The following ETNK2 variants were observed in gnomAD, a reference collection of about 807,000 sequenced individuals.
The protein encoded by ETNK2 is ethanolamine kinase-like protein.
In ETNK2, 33 loss-of-function variants were observed where a neutral mutation model predicts 46.2. That is an observed-to-expected ratio of 0.71 (90% CI 0.54 to 0.96). ETNK2 has a LOEUF of 0.96. ETNK2 is among the 40% of genes least tolerant of loss of function. The pLI is 0.00. For synonymous variants in ETNK2, 194 were observed against 209.0 expected (o/e 0.93, Z 0.62); for missense variants, 445 against 509.7 (o/e 0.87, Z 1.22).
intron 2 of ETNK2, among the ~76,000 whole-genome samples, chr1:204,148,831 C>G (rs572692048): frequency 6.6e-6 from 1 of 152,306 alleles, no homozygotes; most frequent in African/African-American, 2.4e-5. Context: ...GCCCTCCTTC[C>G]CCTTGGATTA....
intron 7 of ETNK2, among the ~76,000 whole-genome samples, chr1:204,133,152 TGACA>T (rs1657137186): frequency 6.6e-6 from 1 of 152,334 alleles, no homozygotes; most frequent in Non-Finnish European, 1.5e-5. Flanking sequence ...ATTCATCTGT[TGACA>T]GACAGCTGGG....
intron 2 of ETNK2, chr1:204,147,498 C>T (rs1157252167): frequency 3.8e-6 from 2 of 533,242 alleles, no homozygotes; most frequent in Admixed American, 1.9e-5. Flanking sequence ...ACCCCATCGC[C>T]CGAGGCCCTG....
At position 204,149,539 on chromosome 1, in the gene ETNK2, G is replaced by A. The variant is rs371666384; in HGVS notation, c.518+164C>T. 6.6e-5 allele frequency among the ~76,000 whole-genome samples: 10 copies of A among 152,278 alleles called. No individual in the cohort carries two copies. In the South Asian group the frequency reaches 1.9e-3, roughly 28 times the overall value. On this transcript the variant is annotated intron_variant, in intron 2 of 7. Transcript: ENST00000367202. Reference sequence around the variant, plus strand: ...CTCACCCTTAAAATCTACAGAAAGCGATAGCCCCTCTCTGCAGAGCAATGC... The same window carrying A: ...CTCACCCTTAAAATCTACAGAAAGCAATAGCCCCTCTCTGCAGAGCAATGC...
Position 204,132,142 on chromosome 1 carries a change from G to T in ETNK2, c.*42C>A. ...TGCAGAATTGAGCTCTGGAGAACAGGTCTGGCCAGACAGATGGGTAGGGGA... is the reference window on the plus strand; with the variant it reads ...TGCAGAATTGAGCTCTGGAGAACAGTTCTGGCCAGACAGATGGGTAGGGGA... On this transcript the variant is annotated 3_prime_UTR_variant, in exon 8 of 8. Coordinates refer to ENST00000367202, the MANE Select transcript of ETNK2 (RefSeq NM_018208.4). 1 of 1,489,730 alleles carries T rather than the reference G, an allele frequency of 6.7e-7. No individual in the cohort carries two copies. The highest frequency in any genetic ancestry group is 9.2e-7 in the Non-Finnish European group (1 of 1,090,098). 92.3% of individuals were successfully genotyped at this position (1,489,730 alleles called of 1,614,324 possible). A position where few individuals can be genotyped will look rare whatever the true frequency, so the allele number is the denominator to read the frequency against.
intron 7 of ETNK2, among the ~76,000 whole-genome samples, chr1:204,133,412 AATT>A (rs1657146192): frequency 6.6e-6 from 1 of 152,064 alleles, no homozygotes; most frequent in African/African-American, 2.4e-5. Context: ...CCTTACCAAC[AATT>A]ATTATTTTCT....
At position 204,149,964 on chromosome 1, in the gene ETNK2, T is replaced by C. The variant is rs1270090562; in HGVS notation, c.259-2A>G. The C allele has an allele frequency of 8.4e-7, 1 of 1,184,424 alleles. No individual in the cohort carries two copies. Among genetic ancestry groups the C allele is most frequent in the Non-Finnish European group, 1.1e-6 (1 of 905,144 alleles). 73.4% of individuals were successfully genotyped at this position (1,184,424 alleles called of 1,614,324 possible). On this transcript the variant is annotated splice_acceptor_variant, in intron 1 of 7. Transcript: ENST00000367202. LOFTEE classifies it high-confidence loss of function. ...GTTGGTGATGCCATCCGTGAAGCGC[T>C]AGCATGGGGAGAGGACAGTGCGTGG...
chr1:204,135,396 C>T (rs575973563), intron 6 of ETNK2, among the ~76,000 whole-genome samples: 2 of 152,080 alleles, frequency 1.3e-5, no homozygotes, highest in East Asian at 3.9e-4. Flanking sequence ...ATATAACAAA[C>T]CTGCACGTGT....
chr1:204,141,141 T>C, intron 4 of ETNK2, 174 bp downstream of exon 4: 1 of 850,918 alleles, frequency 1.2e-6, no homozygotes, highest in Admixed American at 2.0e-5. Flanking sequence ...CACAGACTTT[T>C]CAAAGTGGGA....
chr1:204,134,003 C>A (rs1421328449), intron 7 of ETNK2, among the ~76,000 whole-genome samples: 1 of 152,192 alleles, frequency 6.6e-6, no homozygotes, highest in African/African-American at 2.4e-5. Flanking sequence ...AGGACAGGGA[C>A]TCCCTGAATC....
Position 204,146,775 on chromosome 1 carries a change from G to A in ETNK2, c.519-11C>T. On this transcript the variant is annotated splice_polypyrimidine_tract_variant and intron_variant, in intron 2 of 7. Transcript: ENST00000367202. ...TCTAAGGCGATTAACCTACAGCAGG[G>A]AACAGGAAGAGTAGAGCATCAGTGC... The A allele has an allele frequency of 6.2e-7, 1 of 1,613,912 alleles. No homozygotes were observed. The highest frequency in any genetic ancestry group is 8.5e-7 in the Non-Finnish European group (1 of 1,179,844).
intron 3 of ETNK2, among the ~76,000 whole-genome samples, chr1:204,144,345 CAAAAAAAAA>C (rs141761706): frequency 9.0e-5 from 3 of 33,340 alleles, no homozygotes; most frequent in African/African-American, 2.4e-4. Context: ...GAATCCATCT[CAAAAAAAAA>C]AAAAAAAAAA....
intron 4 of ETNK2, 117 bp from the exon 5 acceptor site, chr1:204,140,235 A>G: frequency 1.3e-6 from 1 of 750,358 alleles, no homozygotes; most frequent in Non-Finnish European, 2.3e-6. Context: ...CTCTGCAGCA[A>G]CCCTGCCCAA....
chr1:204,150,027 T>C (rs907661177), intron 1 of ETNK2, 65 bp from the exon 2 acceptor site: 1 of 1,496,036 alleles, frequency 6.7e-7, no homozygotes, highest in Admixed American at 2.0e-5. Flanking sequence ...GTCTCTCTCC[T>C]GGGCTCTGTA....
Position 204,134,980 on chromosome 1 carries a change from C to A in ETNK2, c.1015-392G>T, listed in dbSNP as rs115260230. ...AAGGTAGGATCCAGGCCAAGATGAA[C>A]CCCTAAGCCAGAGGTTAGGCTTAAT... On this transcript the variant is annotated intron_variant, in intron 6 of 7. Transcript: ENST00000367202. Among the ~76,000 whole-genome samples the A allele has an allele frequency of 2.6e-3, 399 of 152,268 alleles. 4 individuals are homozygous for A. The highest frequency in any genetic ancestry group is 9.1e-3 in the African/African-American group (376 of 41,544).
intron 4 of ETNK2, among the ~76,000 whole-genome samples, chr1:204,140,826 CTTT>C (rs5780215): frequency 7.3e-6 from 1 of 137,116 alleles, no homozygotes; most frequent in African/African-American, 2.7e-5. Flanking sequence ...CCTGGCCAGA[CTTT>C]TTTTTTTTTT....
rs185707215 is a variant in ETNK2, at chr1:204,132,403, T to G, written c.1089-147A>C. 779 of 620,282 alleles carry G rather than the reference T, an allele frequency of 1.3e-3. 5 individuals are homozygous for G. The highest frequency in any genetic ancestry group is 0.012 in the African/African-American group (671 of 53,916). The allele number at this position is 620,282 out of a possible 1,614,324, so 38.4% of individuals were successfully genotyped here. ...CAACCCCAACCCAGACTGATTAGTA[T>G]TATTATTTCTTTTGCTTCTTTTTAA... is the stretch of plus-strand genomic sequence containing the variant. On this transcript the variant is annotated intron_variant, in intron 7 of 7. Transcript: ENST00000367202.
At chr1:204,150,007 G>T in intron 1 of ETNK2, 45 bp from the exon 2 acceptor site, 1 of 1,511,506 alleles carries the variant, frequency 6.6e-7, no homozygotes, top group Non-Finnish European at 8.9e-7. Flanking sequence ...GGTGGGGCAG[G>T]ATCTCTCTGG....
intron 6 of ETNK2, 108 bp from the exon 7 acceptor site, chr1:204,134,696 T>G: frequency 1.9e-6 from 3 of 1,607,050 alleles, no homozygotes; most frequent in Non-Finnish European, 2.6e-6. Flanking sequence ...GCTAGGACCC[T>G]GGAAGAGATG....
chr1:204,144,345 C>CAAAAAAAAAAGAAAAAA (rs1657689135), intron 3 of ETNK2, among the ~76,000 whole-genome samples: 1 of 33,340 alleles, frequency 3.0e-5, no homozygotes, highest in Non-Finnish European at 5.1e-5. Context: ...GAATCCATCT[C>CAAAAAAAAAAGAAAAAA]AAAAAAAAAA....
Sources: gnomAD v4.1 joint callset for allele counts (sites outside exome capture counted in the v4.1 genomes callset) on GRCh38, gnomAD v4.1.1 for gene constraint, MANE v1.5 for transcripts, NCBI Gene and HGNC (gene_info 2026-07-23, HGNC 2026-07-21) for gene names.